The following PMS2 variants were observed in gnomAD, a reference collection of about 807,000 sequenced individuals.
PMS2 encodes PMS1 homolog 2, mismatch repair system component, also known as mismatch repair endonuclease PMS2.
In PMS2, 69 loss-of-function variants were observed where a neutral mutation model predicts 90.0. The ratio of observed to expected loss-of-function variants is 0.77; its 90% CI spans 0.63 to 0.94. The LOEUF (loss-of-function observed/expected upper bound fraction) is 0.94, where lower values mean the gene tolerates loss of function less well. Among genes scored for constraint, PMS2 ranks in the 40% least tolerant of loss-of-function variants. The pLI is 0.00. For missense variants in PMS2, 966 were observed against 1,040.2 expected, an observed-to-expected ratio of 0.93 and a Z score of 0.98; for synonymous variants, 332 against 375.1, an observed-to-expected ratio of 0.89 and a Z score of 1.33.
intron 10 of PMS2, 71 bp downstream of exon 10, chr7:5,989,729 T>A: frequency 8.2e-7 from 1 of 1,217,424 alleles, no homozygotes; most frequent in Non-Finnish European, 1.2e-6. Flanking sequence ...AAAAAAAGTT[T>A]ACTTGGAAAA....
At chr7:6,003,306 G>GAT (rs10595058) in intron 4 of PMS2, 13,281 of 138,126 alleles carry the variant, frequency 0.096, 797 homozygotes, top group East Asian at 0.31. Flanking sequence ...AAAAAAAAAA[G>GAT]ATATATATAT....
chr7:6,004,699 G>C (rs1785513331), intron 2 of PMS2, among the ~76,000 whole-genome samples: 1 of 137,272 alleles, frequency 7.3e-6, no homozygotes. Flanking sequence ...TGGGCAACAA[G>C]AGCAAAACTC....
chr7:5,994,675 C>T (rs1784177776), intron 8 of PMS2, among the ~76,000 whole-genome samples: 1 of 151,622 alleles, frequency 6.6e-6, no homozygotes, highest in Non-Finnish European at 1.5e-5. Flanking sequence ...ACTCGGGAGG[C>T]TGAGGCAGGA....
chr7:5,990,068 C>T (rs996318351), intron 9 of PMS2, 113 bp from the exon 10 acceptor site: 11 of 644,784 alleles, frequency 1.7e-5, no homozygotes, highest in African/African-American at 3.7e-5. Context: ...AGTGCAGTGG[C>T]GCGATCTCAG....
In PMS2 at chr7:6,003,870, G is replaced by T. The variant is rs373854970; in HGVS notation, c.251-78C>A. 1.5e-4 allele frequency: 191 copies of T among 1,272,278 alleles called. 1 individual carries two copies. In the African/African-American group the frequency reaches 2.6e-3, roughly 17 times the overall value. 78.8% of individuals were successfully genotyped at this position (1,272,278 alleles called of 1,614,324 possible). ...AAATATACATGATATCTAGTAACTG[G>T]CTTTAAAAAACTGTTTTTGCATTTC... On this transcript the variant is annotated intron_variant, in intron 3 of 14. Transcript: ENST00000265849.
Position 5,977,716 on chromosome 7 carries a change from T to C in PMS2, c.2317A>G (p.Ser773Gly), listed in dbSNP as rs587781489. 1.1e-5 allele frequency: 17 copies of C among 1,606,622 alleles called. 3 individuals carry two copies. Among genetic ancestry groups the C allele is most frequent in the Non-Finnish European group, 1.4e-5 (17 of 1,174,968 alleles). The change falls in exon 14 of 15, where the codon AGT becomes GGT. Residue 773 changes from serine (S) to glycine (G), a missense_variant. Ser to Gly is a moderately conservative substitution (Grantham distance 56, BLOSUM62 0). Around this residue, in one of 2 missense-constraint regions of PMS2, gnomAD observed 95 missense variants for 237.8 expected, o/e 0.40. Transcript: ENST00000265849. ...ERAKLISLPT[S>G]KNWTFGPQDV... is the part of the protein sequence containing the mutation. ...TGGGGTCCGAAGGTCCAGTTTTTAC[T>C]AGTTGGCAAGGAAATCAGTTTAGCC...
intron 5 of PMS2, among the ~76,000 whole-genome samples, chr7:5,999,637 A>T (rs564442382): frequency 7.3e-4 from 84 of 115,090 alleles, no homozygotes; most frequent in African/African-American, 2.3e-3. Context: ...CAAAAAATTT[A>T]AAAAAAAAAT....
chr7:5,985,623 G>A (rs1315210779), intron 11 of PMS2, among the ~76,000 whole-genome samples: 2 of 147,190 alleles, frequency 1.4e-5, no homozygotes, highest in Non-Finnish European at 3.0e-5. Context: ...GTGCAATCTC[G>A]GCTCACCACA....
chr7:6,002,823 T>C (rs1354402349), intron 4 of PMS2, among the ~76,000 whole-genome samples, 187 bp from the exon 5 acceptor site: 1 of 152,204 alleles, frequency 6.6e-6, no homozygotes, highest in Non-Finnish European at 1.5e-5. Flanking sequence ...TAAAAGACAG[T>C]GAGACAGAGA....
In PMS2 at chr7:5,996,055, G is replaced by A. The variant is rs375798394; in HGVS notation, c.804-422C>T. Among the ~76,000 whole-genome samples the A allele has an allele frequency of 5.4e-4, 82 of 152,142 alleles. 1 individual carries two copies. The South Asian group carries it at 0.012, about 22-fold the overall frequency. On this transcript the variant is annotated intron_variant, in intron 7 of 14. Coordinates refer to ENST00000265849, the MANE Select transcript of PMS2 (RefSeq NM_000535.7). ...ATTCCCTCCCCTTTCAAAACCTCCC[G>A]GGTAGGACGCTTATATCTCATGTCT...
intron 6 of PMS2, 134 bp downstream of exon 6, chr7:5,998,974 T>G (rs1300934902): frequency 1.2e-6 from 1 of 827,528 alleles, no homozygotes; most frequent in Admixed American, 2.3e-5. Flanking sequence ...TGGGCAGCAG[T>G]GCGAGACTCC....
chr7:5,989,706 T>C (rs1271247750), intron 10 of PMS2, 94 bp downstream of exon 10: 13 of 915,618 alleles, frequency 1.4e-5, no homozygotes, highest in East Asian at 2.4e-5. Flanking sequence ...TAAGAGACTT[T>C]GTTTTCATGT....
intron 6 of PMS2, 86 bp from the exon 7 acceptor site, chr7:5,997,509 G>T: frequency 2.5e-6 from 2 of 794,314 alleles, no homozygotes; most frequent in South Asian, 1.6e-5. Context: ...TCAAGCTATT[G>T]ACATTACAAG....
At chr7:5,997,955 G>C (rs1261165393) in intron 6 of PMS2, among the ~76,000 whole-genome samples, 1 of 151,952 alleles carries the variant, frequency 6.6e-6, no homozygotes, top group Admixed American at 6.6e-5. Flanking sequence ...CCCACACATT[G>C]CCCACAATAA....
Position 5,985,181 on chromosome 7 carries a change from T to C in PMS2, c.2006+1578A>G, listed in dbSNP as rs573898868. Among the ~76,000 whole-genome samples the C allele has an allele frequency of 3.3e-5, 5 of 151,292 alleles. No individual in the cohort carries two copies. The East Asian group carries it at 7.8e-4, about 24-fold the overall frequency. On this transcript the variant is annotated intron_variant, in intron 11 of 14. Transcript: ENST00000265849. ...GGCATGATCATAGCTCACTGCAGCCTCAAACTCCTGGGCTCAAGTGAGCCT... is the reference window on the plus strand; with the variant it reads ...GGCATGATCATAGCTCACTGCAGCCCCAAACTCCTGGGCTCAAGTGAGCCT...
intron 1 of PMS2, among the ~76,000 whole-genome samples, chr7:6,008,506 T>C (rs754653694): frequency 3.9e-5 from 6 of 152,078 alleles, no homozygotes; most frequent in Non-Finnish European, 8.8e-5. Context: ...TTCCAGCACT[T>C]TGAGGGGCCA....
rs2128747027 is a variant in PMS2, at chr7:5,989,812, G to C, written c.1132C>G (p.Leu378Val). The change falls in exon 10 of 15, where the codon CTG becomes GTG. Residue 378 changes from leucine to valine, a missense_variant. This residue lies in a region of PMS2 where 871 missense variants were observed against 802.4 expected (regional missense o/e 1.09). Transcript: ENST00000265849. ...NKLNVSQQPL[L>V]DVEGNLIKMH... ...GTATTTTTCTTACCTTCAACATCCA[G>C]CAGTGGCTGCTGACTGACATTTAGC... is the stretch of plus-strand genomic sequence containing the variant. The C allele has an allele frequency of 6.2e-7, 1 of 1,612,204 alleles. No homozygotes were observed. Among genetic ancestry groups the C allele is most frequent in the South Asian group, 1.1e-5 (1 of 90,984 alleles).
At chr7:5,984,846 G>A (rs1450405335) in intron 11 of PMS2, among the ~76,000 whole-genome samples, 4 of 151,490 alleles carry the variant, frequency 2.6e-5, no homozygotes, top group Non-Finnish European at 4.4e-5. Context: ...AGGAAGACCC[G>A]GTCCCATGCC....
intron 7 of PMS2, among the ~76,000 whole-genome samples, chr7:5,996,117 G>A (rs947629861): frequency 1.3e-5 from 2 of 152,152 alleles, no homozygotes; most frequent in African/African-American, 4.8e-5. Flanking sequence ...CCCACCCCAG[G>A]GATACCGGCA....
Sources: allele counts gnomAD v4.1 joint callset (sites outside exome capture counted in the v4.1 genomes callset), GRCh38; gene constraint gnomAD v4.1.1; regional missense constraint gnomAD v4.1.1; transcripts MANE v1.5; gene names NCBI Gene and HGNC (gene_info 2026-07-23, HGNC 2026-07-21).